The following SLC22A15 variants were observed in gnomAD, a reference collection of about 807,000 sequenced individuals.
SLC22A15 encodes the protein flipt 1.
Under a neutral mutation model 62.7 loss-of-function variants are expected in SLC22A15, and 45 were observed. The observed-to-expected ratio is 0.72, with a 90% CI of 0.56 to 0.92. The LOEUF (loss-of-function observed/expected upper bound fraction) is 0.92. Ranked by LOEUF, SLC22A15 falls within the 40% of genes least tolerant of loss-of-function variation. SLC22A15 has a pLI of 0.00. For missense variants in SLC22A15, 622 were observed against 665.6 expected (o/e 0.93, Z 0.72); for synonymous variants, 264 against 267.0 (o/e 0.99, Z 0.11).
chr1:115,989,905 A>AC (rs1655066396), intron 1 of SLC22A15, among the ~76,000 whole-genome samples: 1 of 152,212 alleles, frequency 6.6e-6, no homozygotes, highest in South Asian at 2.1e-4. Flanking sequence ...TTATTCATTC[A>AC]CATGTTGAGT....
rs983443933 is a variant in SLC22A15, at chr1:116,056,474, T to G, written c.1172-6288T>G. 1.2e-4 allele frequency among the ~76,000 whole-genome samples: 18 copies of G among 151,028 alleles called. No individual in the cohort carries two copies. In the East Asian group the frequency reaches 1.7e-3, roughly 15 times the overall value. On this transcript the variant is annotated intron_variant, in intron 8 of 11. Coordinates refer to ENST00000369503, the MANE Select transcript of SLC22A15 (RefSeq NM_018420.3). ...AGAATCAATATCATGAAAATGGCCA[T>G]ACTGCCCAAGGTAATTTATAGATTC...
rs1429351148 is a variant in SLC22A15, at chr1:116,036,037, C to G, written c.1085+710C>G. ...TTTCTTTGGTGTTGTGCTTAATGCC[C>G]TTGTCATGAGGTTTTAGTCTAGAGT... On this transcript the variant is annotated intron_variant, in intron 7 of 11. Transcript: ENST00000369503. 2.0e-5 allele frequency among the ~76,000 whole-genome samples: 3 copies of G among 152,208 alleles called. No homozygotes were observed. The East Asian group carries it at 5.8e-4, about 29-fold the overall frequency.
chr1:116,055,344 G>A (rs1283915185), intron 8 of SLC22A15, among the ~76,000 whole-genome samples: 1 of 151,836 alleles, frequency 6.6e-6, no homozygotes, highest in Non-Finnish European at 1.5e-5. Context: ...ACCCTCCCAA[G>A]ACTAAACCAG....
Position 115,976,565 on chromosome 1 carries a change from C to G in SLC22A15, c.-63C>G. ...TGCCGGGCGCCCAGGGGTTGCCGCG[C>G]TGGGCGGGAGGGCAGCGCCTGAGAG... is the stretch of plus-strand genomic sequence containing the variant. On this transcript the variant is annotated 5_prime_UTR_variant, in exon 1 of 12. Transcript: ENST00000369503. The G allele has an allele frequency of 7.5e-7, 1 of 1,331,768 alleles. No individual in the cohort carries two copies. The allele number at this position is 1,331,768 out of a possible 1,614,324, so 82.5% of individuals were successfully genotyped here.
chr1:115,976,715 G>A lies in SLC22A15; in HGVS notation c.87+1G>A. ...CTTCCTGCTGGCCGTGCTGCTGCAG[G>A]TAAGTCCCCGCGGCCCCGCAGCCGC... On this transcript the variant is annotated splice_donor_variant, in intron 1 of 11. Coordinates refer to ENST00000369503, the MANE Select transcript of SLC22A15 (RefSeq NM_018420.3). LOFTEE classifies it high-confidence loss of function. 1 of 1,580,416 alleles carries A rather than the reference G, an allele frequency of 6.3e-7. No homozygotes were observed. The highest frequency in any genetic ancestry group is 8.6e-7 in the Non-Finnish European group (1 of 1,165,198).
rs969307844 is a variant in SLC22A15, at chr1:116,037,562, G to A, written c.1171+174G>A. On this transcript the variant is annotated intron_variant, in intron 8 of 11. Transcript: ENST00000369503. ...TTCCTTTGCTTCAGCTATTCTCTGG[G>A]TGAATAATGTGTGTAGAGGTGCACT... The A allele has an allele frequency of 5.1e-6, 3 of 590,516 alleles. No individual in the cohort carries two copies. In the African/African-American group the frequency reaches 5.6e-5, roughly 11 times the overall value. 36.6% of individuals were successfully genotyped at this position (590,516 alleles called of 1,614,324 possible). A position where few individuals can be genotyped will look rare whatever the true frequency, so the allele number is the denominator to read the frequency against.
At chr1:116,051,362 A>T (rs886764639) in intron 8 of SLC22A15, among the ~76,000 whole-genome samples, 1 of 152,238 alleles carries the variant, frequency 6.6e-6, no homozygotes, top group Non-Finnish European at 1.5e-5. Context: ...GTATAAAAAT[A>T]GGCATATAGA....
intron 8 of SLC22A15, among the ~76,000 whole-genome samples, chr1:116,061,444 A>T (rs1658376189): frequency 6.6e-6 from 1 of 152,172 alleles, no homozygotes; most frequent in African/African-American, 2.4e-5. Flanking sequence ...TGATGAGGAC[A>T]TTGCTGCTGA....
intron 8 of SLC22A15, among the ~76,000 whole-genome samples, chr1:116,046,570 A>G (rs900395777): frequency 2.6e-5 from 4 of 152,172 alleles, no homozygotes; most frequent in Admixed American, 6.5e-5. Flanking sequence ...TGCTGCTCTG[A>G]CTCAGATGAA....
At chr1:116,032,318 T>C in intron 6 of SLC22A15, 1 of 985,410 alleles carries the variant, frequency 1.0e-6, no homozygotes, top group Non-Finnish European at 1.2e-6. Flanking sequence ...ATTTGTGGAT[T>C]GCACATGTGT....
At chr1:116,040,046 C>T (rs1657738426) in intron 8 of SLC22A15, among the ~76,000 whole-genome samples, 2 of 152,180 alleles carry the variant, frequency 1.3e-5, no homozygotes, top group Admixed American at 6.5e-5. Flanking sequence ...TCTTGCCTTT[C>T]TGCCAACTCA....
intron 2 of SLC22A15, chr1:116,015,241 C>A (rs569264384): frequency 1.3e-5 from 2 of 152,280 alleles, no homozygotes; most frequent in Admixed American, 6.5e-5. Context: ...ATCTGGGTTC[C>A]AGCTTCACAT....
intron 8 of SLC22A15, among the ~76,000 whole-genome samples, chr1:116,048,024 CA>C: frequency 6.6e-6 from 1 of 152,032 alleles, no homozygotes; most frequent in East Asian, 1.9e-4. Context: ...CCCAATCCAA[CA>C]AAGACAAAGA....
In SLC22A15 at chr1:116,067,231, G is replaced by A. The variant is rs998444070; in HGVS notation, c.*123G>A. Reference sequence around the variant, plus strand: ...GGCTTGGCTTGAATGTACATAGATGGTACCTGGCATGGACTGATGTTTTTA... The same window carrying A: ...GGCTTGGCTTGAATGTACATAGATGATACCTGGCATGGACTGATGTTTTTA... On this transcript the variant is annotated 3_prime_UTR_variant, in exon 12 of 12. Transcript: ENST00000369503. 9 of 722,500 alleles carry A rather than the reference G, an allele frequency of 1.2e-5. No individual in the cohort carries two copies. The highest frequency in any genetic ancestry group is 1.2e-4 in the Admixed American group (5 of 41,062). The allele number at this position is 722,500 out of a possible 1,614,324, so 44.8% of individuals were successfully genotyped here. A position where few individuals can be genotyped will look rare whatever the true frequency, so the allele number is the denominator to read the frequency against.
At chr1:116,032,105 A>G (rs1292386987) in intron 6 of SLC22A15, 17 of 985,286 alleles carry the variant, frequency 1.7e-5, no homozygotes, top group Admixed American at 1.2e-4. Context: ...AGGAGTTTGA[A>G]GTGATGAACC....
At chr1:116,066,923 ATAAATACAT>A in intron 11 of SLC22A15, 87 bp from the exon 12 acceptor site, 8 of 1,052,742 alleles carry the variant, frequency 7.6e-6, no homozygotes, top group Non-Finnish European at 1.1e-5. Context: ...TGAATGTCAT[ATAAATACAT>A]TTGTCAGTTG....
At chr1:115,985,319 A>G (rs1654803300) in intron 1 of SLC22A15, among the ~76,000 whole-genome samples, 1 of 152,230 alleles carries the variant, frequency 6.6e-6, no homozygotes, top group Non-Finnish European at 1.5e-5. Context: ...TAGGAGGAAT[A>G]GGCTATGCCA....
intron 1 of SLC22A15, among the ~76,000 whole-genome samples, chr1:115,989,602 G>A (rs1465454578): frequency 7.2e-5 from 11 of 152,062 alleles, no homozygotes; most frequent in Admixed American, 7.2e-4. Flanking sequence ...CCAACATGGT[G>A]AAACCTCGTC....
chr1:116,014,565 T>G (rs1036451286), intron 2 of SLC22A15, among the ~76,000 whole-genome samples: 1 of 152,180 alleles, frequency 6.6e-6, no homozygotes, highest in Admixed American at 6.5e-5. Context: ...AAAAGTAGAT[T>G]TCCTGCTTTT....
Sources: allele counts gnomAD v4.1 joint callset (sites outside exome capture counted in the v4.1 genomes callset), GRCh38; gene constraint gnomAD v4.1.1; transcripts MANE v1.5; gene names NCBI Gene and HGNC (gene_info 2026-07-23, HGNC 2026-07-21).